Variants in PTK2B observed in about 807,000 individuals in gnomAD.
PTK2B encodes protein-tyrosine kinase 2-beta.
PTK2B carries 71 observed loss-of-function variants against 142.9 expected under a neutral mutation model. That is an observed-to-expected ratio of 0.50 (90% CI 0.41 to 0.61). PTK2B has a LOEUF of 0.61. Ranked by LOEUF, PTK2B falls within the 20% of genes least tolerant of loss-of-function variation. PTK2B has a pLI of 0.00. For synonymous variants in PTK2B, 519 were observed against 503.4 expected, an observed-to-expected ratio of 1.03 and a Z score of -0.42; for missense variants, 1,105 against 1,320.4, an observed-to-expected ratio of 0.84 and a Z score of 2.53.
intron 24 of PTK2B, among the ~76,000 whole-genome samples, chr8:27,447,958 C>T (rs1790692859): frequency 6.6e-6 from 1 of 152,258 alleles, no homozygotes; most frequent in South Asian, 2.1e-4. Context: ...GGGGGAGGCG[C>T]TGCTTTCAAA....
intron 3 of PTK2B, among the ~76,000 whole-genome samples, chr8:27,314,432 C>T (rs775759658): frequency 1.1e-4 from 17 of 152,158 alleles, no homozygotes; most frequent in African/African-American, 3.4e-4. Context: ...AAAAATACAA[C>T]GGGCGCGTGT....
Position 27,362,767 on chromosome 8 carries a change from C to A in PTK2B, c.-37-34781C>A, listed in dbSNP as rs559842335. ...ACAGATGCAGGCAAAGAGCCGTTAC[C>A]ATGCAAAATCTAGAACTGTTCCCAC... is the stretch of plus-strand genomic sequence containing the variant. On this transcript the variant is annotated intron_variant, in intron 1 of 30. Coordinates refer to ENST00000346049, the MANE Select transcript of PTK2B (RefSeq NM_173176.3). 4.8e-4 allele frequency among the ~76,000 whole-genome samples: 73 copies of A among 152,326 alleles called. 1 individual carries two copies. The highest frequency in any genetic ancestry group is 6.8e-3 in the Middle Eastern group (2 of 294).
intron 3 of PTK2B, among the ~76,000 whole-genome samples, chr8:27,320,271 C>T (rs186094227): frequency 6.6e-6 from 1 of 152,270 alleles, no homozygotes; most frequent in East Asian, 1.9e-4. Context: ...TCTTTCATGG[C>T]CATGAGACAA....
intron 1 of PTK2B, among the ~76,000 whole-genome samples, chr8:27,352,581 T>C (rs1203724350): frequency 1.3e-5 from 2 of 152,240 alleles, no homozygotes; most frequent in African/African-American, 4.8e-5. Context: ...TGATATGGTT[T>C]GGCTGTGTCC....
At chr8:27,435,662 G>A in intron 13 of PTK2B, 81 bp from the exon 14 acceptor site, 1 of 1,526,352 alleles carries the variant, frequency 6.6e-7, no homozygotes. Flanking sequence ...CTGGCCTCCA[G>A]CAGGGAGCCC....
Position 27,415,704 on chromosome 8 carries a change from G to A in PTK2B, c.205-4191G>A, listed in dbSNP as rs150913284. Among the ~76,000 whole-genome samples, 575 of 152,308 alleles carry A rather than the reference G, an allele frequency of 3.8e-3. 5 individuals carry two copies. Among genetic ancestry groups the A allele is most frequent in the African/African-American group, 0.013 (528 of 41,570 alleles). ...TGTCAGAGGATACAATATGAGATTGGCAGAGCAGCAAGAAGATTAGCAGAA... is the reference window on the plus strand; with the variant it reads ...TGTCAGAGGATACAATATGAGATTGACAGAGCAGCAAGAAGATTAGCAGAA... On this transcript the variant is annotated intron_variant, in intron 2 of 30. Coordinates refer to ENST00000346049, the MANE Select transcript of PTK2B (RefSeq NM_173176.3).
chr8:27,323,059 A>G (rs1563456719), upstream of PTK2B, among the ~76,000 whole-genome samples: 1 of 152,278 alleles, frequency 6.6e-6, no homozygotes, highest in Non-Finnish European at 1.5e-5. Context: ...GTTAATCACC[A>G]GCTCAACCAC....
At chr8:27,396,956 T>G (rs570220800) in intron 1 of PTK2B, among the ~76,000 whole-genome samples, 1 of 152,286 alleles carries the variant, frequency 6.6e-6, no homozygotes, top group South Asian at 2.1e-4. Flanking sequence ...TGAGCTCCTG[T>G]CAGACGGAAG....
chr8:27,318,940 T>C (rs1803148449), intron 3 of PTK2B, among the ~76,000 whole-genome samples: 1 of 152,062 alleles, frequency 6.6e-6, no homozygotes, highest in African/African-American at 2.4e-5. Context: ...CGTGAGCCAC[T>C]GCGCCTGGCC....
At chr8:27,344,716 C>T (rs1372729434) in intron 1 of PTK2B, among the ~76,000 whole-genome samples, 1 of 152,188 alleles carries the variant, frequency 6.6e-6, no homozygotes, top group Non-Finnish European at 1.5e-5. Flanking sequence ...GGTGTAAACT[C>T]ACTTCCTTGT....
chr8:27,331,371 C>T (rs538384073), intron 1 of PTK2B, among the ~76,000 whole-genome samples: 2 of 152,282 alleles, frequency 1.3e-5, no homozygotes, highest in South Asian at 4.2e-4. Flanking sequence ...GGGTTTTGCT[C>T]TTCTGGGGGT....
intron 24 of PTK2B, among the ~76,000 whole-genome samples, chr8:27,449,283 G>A (rs971610098): frequency 6.6e-6 from 1 of 152,194 alleles, no homozygotes; most frequent in Non-Finnish European, 1.5e-5. Context: ...TTGTTGAATA[G>A]ATTAATGAAT....
chr8:27,443,958 A>C (rs991073527), intron 22 of PTK2B, among the ~76,000 whole-genome samples: 1 of 152,208 alleles, frequency 6.6e-6, no homozygotes, highest in African/African-American at 2.4e-5. Context: ...CACATGCACC[A>C]ATCATTAACC....
chr8:27,456,933 A>G (rs1812175291), intron 30 of PTK2B, among the ~76,000 whole-genome samples: 1 of 152,262 alleles, frequency 6.6e-6, no homozygotes, highest in African/African-American at 2.4e-5. Context: ...AAGTTGCAGA[A>G]GAAAAGTTGG....
intron 2 of PTK2B, among the ~76,000 whole-genome samples, chr8:27,402,764 A>G (rs539705879): frequency 4.9e-4 from 74 of 152,336 alleles, no homozygotes; most frequent in African/African-American, 1.6e-3. Flanking sequence ...TTGTGAGAAC[A>G]GGTCACCATC....
chr8:27,332,074 T>G (rs924221600), intron 1 of PTK2B, among the ~76,000 whole-genome samples: 1 of 152,184 alleles, frequency 6.6e-6, no homozygotes, highest in African/African-American at 2.4e-5. Context: ...CAGACAGCGG[T>G]GCCAACCAAG....
At chr8:27,457,586 G>A (rs1586374753) in intron 30 of PTK2B, among the ~76,000 whole-genome samples, 1 of 152,178 alleles carries the variant, frequency 6.6e-6, no homozygotes, top group South Asian at 2.1e-4. Flanking sequence ...GATAATATTA[G>A]GAACATTTGT....
rs556764967 is a variant in PTK2B at position 27,352,874 on chromosome 8, T to G, written c.-38+27193T>G. Among the ~76,000 whole-genome samples, 4 of 152,350 alleles carry G rather than the reference T, an allele frequency of 2.6e-5. No homozygotes were observed. The South Asian group carries it at 8.3e-4, about 32-fold the overall frequency. On this transcript the variant is annotated intron_variant, in intron 1 of 30. Coordinates refer to ENST00000346049, the MANE Select transcript of PTK2B (RefSeq NM_173176.3). Reference sequence around the variant, plus strand: ...AATTAAACCCCTTTCTTTTGTAAATTGCCCAGTCTCAGTTATGTCTTTATC... The same window carrying G: ...AATTAAACCCCTTTCTTTTGTAAATGGCCCAGTCTCAGTTATGTCTTTATC...
chr8:27,318,521 G>A (rs1200653049), intron 3 of PTK2B, among the ~76,000 whole-genome samples: 1 of 152,170 alleles, frequency 6.6e-6, no homozygotes, highest in South Asian at 2.1e-4. Context: ...TCTAGGAGCA[G>A]CCTGCAGGCC....
Sources: allele counts gnomAD v4.1 joint callset (sites outside exome capture counted in the v4.1 genomes callset), GRCh38; gene constraint gnomAD v4.1.1; transcripts MANE v1.5; gene names NCBI Gene and HGNC (gene_info 2026-07-23, HGNC 2026-07-21).